Variants in RNGTT observed in about 807,000 individuals in gnomAD.
RNGTT encodes mRNA-capping enzyme.
In RNGTT, 33 loss-of-function variants were observed where a neutral mutation model predicts 79.3. The ratio of observed to expected loss-of-function variants is 0.42; its 90% CI spans 0.32 to 0.56. The LOEUF (loss-of-function observed/expected upper bound fraction) is 0.56. Among genes scored for constraint, RNGTT ranks in the 20% least tolerant of loss-of-function variants. The probability of loss-of-function intolerance (pLI) is 0.17; values close to 1 mark genes in which losing one functional copy is unlikely to be tolerated. For synonymous variants in RNGTT, 222 were observed against 235.9 expected (o/e 0.94, Z 0.54); for missense variants, 497 against 739.1 (o/e 0.67, Z 3.80).
rs568314658 is a variant in RNGTT, at chr6:88,958,227, G to T, written c.64+5119C>A. ...CCTTATACAAAGTCAACTGGAGATG[G>T]ATCAACTCAAACTTAAGTAAGATCT... On this transcript the variant is annotated intron_variant, in intron 1 of 15. Transcript: ENST00000369485. Among the ~76,000 whole-genome samples, 5 of 152,270 alleles carry T rather than the reference G, an allele frequency of 3.3e-5. No individual in the cohort carries two copies. The South Asian group carries it at 1.0e-3, about 32-fold the overall frequency.
At chr6:88,696,977 A>T (rs1352876969) in intron 13 of RNGTT, among the ~76,000 whole-genome samples, 1 of 152,182 alleles carries the variant, frequency 6.6e-6, no homozygotes, top group Non-Finnish European at 1.5e-5. Context: ...TGTTCCAATA[A>T]TAGCTATGAT....
intron 14 of RNGTT, among the ~76,000 whole-genome samples, chr6:88,663,117 G>A (rs893491706): frequency 3.3e-5 from 5 of 152,186 alleles, no homozygotes; most frequent in African/African-American, 9.7e-5. Context: ...TGGTGAGTGA[G>A]TGACCTTTTG....
At chr6:88,727,979 A>G (rs1347389531) in intron 13 of RNGTT, among the ~76,000 whole-genome samples, 1 of 152,166 alleles carries the variant, frequency 6.6e-6, no homozygotes, top group East Asian at 1.9e-4. Flanking sequence ...CAGCCCGGGA[A>G]GGACCCTACC....
chr6:88,742,399 A>T (rs1457004295), intron 13 of RNGTT, among the ~76,000 whole-genome samples: 2 of 152,240 alleles, frequency 1.3e-5, no homozygotes, highest in Non-Finnish European at 2.9e-5. Context: ...CAACTAGCTC[A>T]TATCATATCT....
chr6:88,939,092 C>G (rs866558603), intron 2 of RNGTT, among the ~76,000 whole-genome samples: 1 of 152,104 alleles, frequency 6.6e-6, no homozygotes, highest in African/African-American at 2.4e-5. Context: ...TGGAGAAGAC[C>G]TTTTTAGATA....
At chr6:88,646,084 G>A (rs955651694) in intron 14 of RNGTT, among the ~76,000 whole-genome samples, 1 of 152,038 alleles carries the variant, frequency 6.6e-6, no homozygotes, top group African/African-American at 2.4e-5. Context: ...GAAAATTTTT[G>A]CAATCTACTC....
chr6:88,942,322 G>A (rs1293490796), intron 1 of RNGTT, among the ~76,000 whole-genome samples: 2 of 152,148 alleles, frequency 1.3e-5, no homozygotes, highest in East Asian at 1.9e-4. Flanking sequence ...GTATAGCATA[G>A]AGGAAGTCAC....
At chr6:88,914,422 A>C (rs892933639) in intron 4 of RNGTT, among the ~76,000 whole-genome samples, 2 of 152,128 alleles carry the variant, frequency 1.3e-5, no homozygotes, top group Non-Finnish European at 2.9e-5. Flanking sequence ...AGAGCATGGT[A>C]CTCCTACAAA....
chr6:88,779,169 G>A (rs1778982493), intron 12 of RNGTT, among the ~76,000 whole-genome samples: 1 of 152,194 alleles, frequency 6.6e-6, no homozygotes, highest in Non-Finnish European at 1.5e-5. Context: ...GGAGAAAGGA[G>A]TGTCAGCAAG....
intron 13 of RNGTT, among the ~76,000 whole-genome samples, chr6:88,722,104 T>G (rs1204328823): frequency 6.6e-6 from 1 of 151,070 alleles, no homozygotes; most frequent in Non-Finnish European, 1.5e-5. Flanking sequence ...GTATCTATCA[T>G]ACTAGATTAT....
intron 12 of RNGTT, among the ~76,000 whole-genome samples, chr6:88,795,108 G>A (rs1023123134): frequency 2.6e-5 from 4 of 152,238 alleles, no homozygotes; most frequent in Admixed American, 2.0e-4. Context: ...GATGATAGAG[G>A]AATAGTTATT....
At chr6:88,650,176 C>A (rs1482149131) in intron 14 of RNGTT, among the ~76,000 whole-genome samples, 2 of 152,132 alleles carry the variant, frequency 1.3e-5, no homozygotes, top group Non-Finnish European at 2.9e-5. Context: ...AATATAATTT[C>A]TACTTTTTCC....
intron 13 of RNGTT, among the ~76,000 whole-genome samples, chr6:88,767,318 A>T (rs965829456): frequency 6.6e-6 from 1 of 152,166 alleles, no homozygotes; most frequent in Non-Finnish European, 1.5e-5. Flanking sequence ...AACAAAATAT[A>T]TTTAAAACGT....
intron 13 of RNGTT, among the ~76,000 whole-genome samples, chr6:88,735,125 G>A (rs1777242436): frequency 1.3e-5 from 2 of 152,066 alleles, no homozygotes; most frequent in African/African-American, 4.8e-5. Context: ...AATTCTCCAA[G>A]AAGACATAAC....
intron 2 of RNGTT, among the ~76,000 whole-genome samples, chr6:88,934,621 T>C (rs1289369678): frequency 6.6e-6 from 1 of 152,194 alleles, no homozygotes; most frequent in Non-Finnish European, 1.5e-5. Context: ...CACTCTGTTG[T>C]TTCCTTTGCT....
chr6:88,661,168 G>A (rs140600704), intron 14 of RNGTT, among the ~76,000 whole-genome samples: 10 of 152,114 alleles, frequency 6.6e-5, no homozygotes, highest in East Asian at 3.9e-4. Flanking sequence ...CAGCAAAAGC[G>A]GTACTAAGAG....
chr6:88,646,786 C>T (rs9344835), intron 14 of RNGTT, among the ~76,000 whole-genome samples: 39,953 of 151,014 alleles, frequency 0.26, 9,270 homozygotes, highest in African/African-American at 0.63. Flanking sequence ...AGCTGGGAAT[C>T]GAACAATGAG....
At chr6:88,656,740 A>G (rs1041902793) in intron 14 of RNGTT, among the ~76,000 whole-genome samples, 1 of 151,804 alleles carries the variant, frequency 6.6e-6, no homozygotes, top group African/African-American at 2.4e-5. Flanking sequence ...TTCTTTGAAA[A>G]AGAACCTTCC....
chr6:88,614,356 C>G lies in RNGTT; in HGVS notation c.1546G>C (p.Glu516Gln), dbSNP rs1772143252. 2 of 1,613,602 alleles carry G rather than the reference C, an allele frequency of 1.2e-6. No individual in the cohort carries two copies. Among genetic ancestry groups the G allele is most frequent in the Non-Finnish European group, 1.7e-6 (2 of 1,179,582 alleles). Residue 516 changes from glutamate to glutamine, a missense_variant, in exon 15 of 16, where the codon GAA becomes CAA. This residue lies in a region of RNGTT where 440 missense variants were observed against 671.5 expected (regional missense o/e 0.66). Coordinates refer to ENST00000369485, the MANE Select transcript of RNGTT (RefSeq NM_003800.5). ...ELKQYDNKIIECKFENNSWVF... is the reference protein window; with the variant it reads ...ELKQYDNKIIQCKFENNSWVF... ...CAGCTGTTGTTCTCAAATTTGCATT[C>G]TATAATTTTGTTGTCATACTGTTTC...
Sources: allele counts gnomAD v4.1 joint callset (sites outside exome capture counted in the v4.1 genomes callset), GRCh38; gene constraint gnomAD v4.1.1; regional missense constraint gnomAD v4.1.1; transcripts MANE v1.5; gene names NCBI Gene and HGNC (gene_info 2026-07-23, HGNC 2026-07-21).